Variants in MFSD2A observed in about 807,000 individuals in gnomAD.
MFSD2A encodes sodium-dependent lysophosphatidylcholine symporter 1.
A neutral mutation model predicts 64.7 loss-of-function variants in MFSD2A; 27 were observed. That is an observed-to-expected ratio of 0.42 (90% CI 0.31 to 0.58). MFSD2A has a LOEUF of 0.58. Among genes scored for constraint, MFSD2A ranks in the 20% least tolerant of loss-of-function variants. MFSD2A has a pLI of 0.18. For synonymous variants in MFSD2A, 258 were observed against 273.4 expected (o/e 0.94, Z 0.55); for missense variants, 474 against 679.5 (o/e 0.70, Z 3.36).
chr1:39,956,612 G>T (rs899046029), intron 1 of MFSD2A, among the ~76,000 whole-genome samples: 1 of 152,162 alleles, frequency 6.6e-6, no homozygotes, highest in Non-Finnish European at 1.5e-5. Context: ...CAGGAGGGAG[G>T]TGGCTTAGGG....
rs1645123152 is a variant in MFSD2A, at chr1:39,964,846, G to A, written c.354-365G>A. ...GTGTGTGCGGTTGATGACTATCCGT[G>A]TGAGAACACGGGAGTTGGGGCTGCT... On this transcript the variant is annotated intron_variant, in intron 3 of 13. Transcript: ENST00000372811. This position sits in a 1 kb window ranked among gnomAD's most constrained non-coding sequence, Gnocchi z 4.1. 1.7e-5 allele frequency: 5 copies of A among 296,372 alleles called. No individual in the cohort carries two copies. The highest frequency in any genetic ancestry group is 3.3e-5 in the Non-Finnish European group (5 of 153,826). 18.4% of individuals were successfully genotyped at this position (296,372 alleles called of 1,614,324 possible). A position where few individuals can be genotyped will look rare whatever the true frequency, so the allele number is the denominator to read the frequency against.
Position 39,960,104 on chromosome 1 carries a change from C to A in MFSD2A, c.353+1279C>A, listed in dbSNP as rs1441200280. ...CTTCTCCCTTGGTACAAAGCCTGTG[C>A]TACTCAGCTTCAGGGGCAAAGTAGG... On this transcript the variant is annotated intron_variant, in intron 3 of 13. Coordinates refer to ENST00000372811, the MANE Select transcript of MFSD2A (RefSeq NM_032793.5). The surrounding 1 kb of genome is among the most constrained non-coding windows in gnomAD (Gnocchi z 4.8). Among the ~76,000 whole-genome samples the A allele has an allele frequency of 2.0e-5, 3 of 152,252 alleles. No individual in the cohort carries two copies. The highest frequency in any genetic ancestry group is 7.2e-5 in the African/African-American group (3 of 41,470).
In MFSD2A at chr1:39,960,497, C is replaced by T. The variant is rs533231428; in HGVS notation, c.353+1672C>T. On this transcript the variant is annotated intron_variant, in intron 3 of 13. Coordinates refer to ENST00000372811, the MANE Select transcript of MFSD2A (RefSeq NM_032793.5). This position sits in a 1 kb window ranked among gnomAD's most constrained non-coding sequence, Gnocchi z 4.8. ...CTGTGCAGGCTGCTCAGGGCTCCCC[C>T]GGCGCCAGCCCGTGAGACTTGGCCC... is the stretch of plus-strand genomic sequence containing the variant. Among the ~76,000 whole-genome samples the T allele has an allele frequency of 1.4e-3, 219 of 152,338 alleles. No homozygotes were observed. The highest frequency in any genetic ancestry group is 5.0e-3 in the African/African-American group (209 of 41,592).
intron 3 of MFSD2A, chr1:39,962,982 G>C: frequency 1.3e-6 from 2 of 1,531,714 alleles, no homozygotes; most frequent in Non-Finnish European, 1.8e-6. Flanking sequence ...GTGCTCCAAG[G>C]AGGTGGCCAC....
rs937257489 is a variant in MFSD2A, at chr1:39,960,852, C to T, written c.353+2027C>T. Among the ~76,000 whole-genome samples the T allele has an allele frequency of 1.3e-5, 2 of 152,196 alleles. No individual in the cohort carries two copies. Among genetic ancestry groups the T allele is most frequent in the African/African-American group, 4.8e-5 (2 of 41,440 alleles). Reference sequence around the variant, plus strand: ...TTTGGGGAAGTTGCTGGGGGCCCTTCAGGCTGGTTTCTGATCTAGCAGGTG... The same window carrying T: ...TTTGGGGAAGTTGCTGGGGGCCCTTTAGGCTGGTTTCTGATCTAGCAGGTG... On this transcript the variant is annotated intron_variant, in intron 3 of 13. Coordinates refer to ENST00000372811, the MANE Select transcript of MFSD2A (RefSeq NM_032793.5). This position sits in a 1 kb window ranked among gnomAD's most constrained non-coding sequence, Gnocchi z 4.8.
At chr1:39,959,078 A>G (rs1396707355) in intron 3 of MFSD2A, among the ~76,000 whole-genome samples, 2 of 151,788 alleles carry the variant, frequency 1.3e-5, no homozygotes, top group African/African-American at 4.8e-5. Flanking sequence ...CCCAGGGTCC[A>G]CTCATTCCCC....
In MFSD2A at chr1:39,958,661, G is replaced by A. The variant is rs867978708; in HGVS notation, c.229-40G>A. 1.9e-6 allele frequency: 3 copies of A among 1,614,118 alleles called. No individual in the cohort carries two copies. The highest frequency in any genetic ancestry group is 2.5e-6 in the Non-Finnish European group (3 of 1,180,020). ...CTACCAGTGAGAGTTGAGGCGAGTA[G>A]AAGGATGAGGAAGTTGTCTTTTGCT... On this transcript the variant is annotated intron_variant, in intron 2 of 13. Coordinates refer to ENST00000372811, the MANE Select transcript of MFSD2A (RefSeq NM_032793.5). The surrounding 1 kb of genome is among the most constrained non-coding windows in gnomAD (Gnocchi z 4.7).
At chr1:39,959,516 G>T (rs1187573842) in intron 3 of MFSD2A, among the ~76,000 whole-genome samples, 1 of 152,096 alleles carries the variant, frequency 6.6e-6, no homozygotes, top group Non-Finnish European at 1.5e-5. Context: ...GCCTCCCAAA[G>T]TGTTAGGATT....
At chr1:39,969,389 C>A in intron 13 of MFSD2A, 116 bp from the exon 14 acceptor site, 1 of 802,948 alleles carries the variant, frequency 1.2e-6, no homozygotes, top group Non-Finnish European at 2.0e-6. Flanking sequence ...CTCTGTGTCC[C>A]GCGGTTCACT....
chr1:39,962,209 C>T (rs976957117), intron 3 of MFSD2A, among the ~76,000 whole-genome samples: 3 of 152,188 alleles, frequency 2.0e-5, no homozygotes, highest in Non-Finnish European at 1.5e-5. Flanking sequence ...CTTGCCCTTC[C>T]TTAGGCCTGA....
Position 39,964,899 on chromosome 1 carries a change from C to T in MFSD2A, c.354-312C>T, listed in dbSNP as rs1387567654. The T allele has an allele frequency of 2.6e-6, 1 of 382,456 alleles. No individual in the cohort carries two copies. Among genetic ancestry groups the T allele is most frequent in the African/African-American group, 2.0e-5 (1 of 49,444 alleles). The allele number at this position is 382,456 out of a possible 1,614,324, so 23.7% of individuals were successfully genotyped here. On this transcript the variant is annotated intron_variant, in intron 3 of 13. Transcript: ENST00000372811. The surrounding 1 kb of genome is among the most constrained non-coding windows in gnomAD (Gnocchi z 4.1). Reference sequence around the variant, plus strand: ...TTCTCTTTGCCTCCTTGCCCAGGCACCTGAGGTCTTGGACTCCTGTCCTAA... The same window carrying T: ...TTCTCTTTGCCTCCTTGCCCAGGCATCTGAGGTCTTGGACTCCTGTCCTAA...
chr1:39,955,614 G>C lies in MFSD2A; in HGVS notation c.93+229G>C, dbSNP rs1644908801. 1.4e-6 allele frequency: 1 copy of C among 690,822 alleles called. No individual in the cohort carries two copies. Among genetic ancestry groups the C allele is most frequent in the South Asian group, 1.5e-5 (1 of 66,164 alleles). 42.8% of individuals were successfully genotyped at this position (690,822 alleles called of 1,614,324 possible). ...CCCGCACTCCACGCTCTGCGGAGAG[G>C]CTCTGCCGGCAGCCCCATGTGATTC... On this transcript the variant is annotated intron_variant, in intron 1 of 13. Transcript: ENST00000372811. The surrounding 1 kb of genome is among the most constrained non-coding windows in gnomAD (Gnocchi z 5.9).
intron 9 of MFSD2A, 167 bp from the exon 10 acceptor site, chr1:39,967,461 C>A (rs769012421): frequency 8.9e-6 from 6 of 676,582 alleles, no homozygotes; most frequent in Non-Finnish European, 1.0e-5. Context: ...CAGCTCTGAG[C>A]TCCCCTGGGG....
rs749040168 is a variant in MFSD2A at position 39,966,009 on chromosome 1, G to A, written c.709G>A (p.Glu237Lys). The change falls in exon 6 of 14, where the codon GAA becomes AAA. Residue 237 changes from glutamate to lysine, a missense_variant. By Grantham distance (56) the Glu-to-Lys change is moderately conservative. Coordinates refer to ENST00000372811, the MANE Select transcript of MFSD2A (RefSeq NM_032793.5). ...NHTHGTTSHR[E>K]TQKAYLLAAG... Reference sequence around the variant, plus strand: ...TACACATGGCACCACCTCACACAGGGAAACGGTGAGGCCCTGGGCAGGGCA... The same window carrying A: ...TACACATGGCACCACCTCACACAGGAAAACGGTGAGGCCCTGGGCAGGGCA... 1 of 1,614,214 alleles carries A rather than the reference G, an allele frequency of 6.2e-7. No homozygotes were observed. Among genetic ancestry groups the A allele is most frequent in the Non-Finnish European group, 8.5e-7 (1 of 1,180,028 alleles).
rs1645206254 is a variant in MFSD2A at position 39,968,268 on chromosome 1, C to T, written c.1209-66C>T. On this transcript the variant is annotated intron_variant, in intron 11 of 13. Transcript: ENST00000372811. The surrounding 1 kb of genome is among the most constrained non-coding windows in gnomAD (Gnocchi z 4.4). ...GTACTGCAAGCTTCCAGAGGGCCACCTCTTCTCATTAACACAGAGGCCCGT... is the reference window on the plus strand; with the variant it reads ...GTACTGCAAGCTTCCAGAGGGCCACTTCTTCTCATTAACACAGAGGCCCGT... The T allele has an allele frequency of 1.2e-6, 2 of 1,605,172 alleles. No homozygotes were observed. Among genetic ancestry groups the T allele is most frequent in the African/African-American group, 1.3e-5 (1 of 74,864 alleles).
At chr1:39,962,953 A>G in intron 3 of MFSD2A, 3 of 1,555,184 alleles carry the variant, frequency 1.9e-6, no homozygotes, top group South Asian at 1.1e-5. Context: ...TACAATGGCC[A>G]TGTCGGTCTG....
chr1:39,958,851 T>A lies in MFSD2A; in HGVS notation c.353+26T>A. On this transcript the variant is annotated intron_variant, in intron 3 of 13. Transcript: ENST00000372811. The surrounding 1 kb of genome is among the most constrained non-coding windows in gnomAD (Gnocchi z 4.7). ...GTGAGTAGAATATGCCCCTTCGAGG[T>A]GGCACAAGGCAGGACTTCCAGCATA... 1.3e-6 allele frequency: 2 copies of A among 1,566,810 alleles called. No homozygotes were observed. The highest frequency in any genetic ancestry group is 8.7e-7 in the Non-Finnish European group (1 of 1,155,636).
chr1:39,966,859 T>C lies in MFSD2A; in HGVS notation c.854T>C (p.Leu285Pro). 1.2e-6 allele frequency: 2 copies of C among 1,614,036 alleles called. No individual in the cohort carries two copies. The highest frequency in any genetic ancestry group is 1.7e-6 in the Non-Finnish European group (2 of 1,180,028). The change falls in exon 8 of 14, where the codon CTA (leucine) becomes CCA (proline). Residue 285 changes from leucine to proline, a missense_variant. By Grantham distance (98) the Leu-to-Pro change is moderately conservative. Transcript: ENST00000372811. ...GAGCCAATCGCCTACTTCCGGGGCCTACGGCTGGTCATGAGCCACGGCCCA... is the reference window on the plus strand; with the variant it reads ...GAGCCAATCGCCTACTTCCGGGGCCCACGGCTGGTCATGAGCCACGGCCCA... ...QSEPIAYFRG[L>P]RLVMSHGPYI...
At chr1:39,957,013 A>G (rs1304005411) in intron 1 of MFSD2A, 74 bp from the exon 2 acceptor site, 1 of 1,474,446 alleles carries the variant, frequency 6.8e-7, no homozygotes, top group African/African-American at 1.4e-5. Context: ...GGCCAGAGGG[A>G]TGGTCCTTCC....
Sources: allele counts gnomAD v4.1 joint callset (sites outside exome capture counted in the v4.1 genomes callset), GRCh38; gene constraint gnomAD v4.1.1; non-coding constraint Gnocchi (gnomAD v3.1); transcripts MANE v1.5; gene names NCBI Gene and HGNC (gene_info 2026-07-23, HGNC 2026-07-21).